FGF14: variants seen among roughly 807,000 people sequenced by gnomAD.
FGF14 encodes fibroblast growth factor 14.
Under a neutral mutation model 25.5 loss-of-function variants are expected in FGF14, and 5 were observed. That is an observed-to-expected ratio of 0.20 (90% CI 0.10 to 0.41). FGF14 has a LOEUF of 0.41. Among genes scored for constraint, FGF14 ranks in the 10% least tolerant of loss-of-function variants. The pLI is 1.00. For missense variants in FGF14, 222 were observed against 320.1 expected, an observed-to-expected ratio of 0.69 and a Z score of 2.34; for synonymous variants, 138 against 118.3, an observed-to-expected ratio of 1.17 and a Z score of -1.08.
At chr13:101,894,660 G>C (rs549636237) in intron 1 of FGF14, among the ~76,000 whole-genome samples, 2 of 152,156 alleles carry the variant, frequency 1.3e-5, no homozygotes, top group Non-Finnish European at 2.9e-5. Context: ...CTAATGTAGA[G>C]TGAGCATTAG....
intron 1 of FGF14, among the ~76,000 whole-genome samples, chr13:102,330,997 G>C (rs150395750): frequency 5.2e-4 from 79 of 152,328 alleles, no homozygotes; most frequent in African/African-American, 1.9e-3. Flanking sequence ...TAACACCAGA[G>C]CTTTGGAATC....
At chr13:101,751,259 G>GT (rs1392775467) in intron 3 of FGF14, among the ~76,000 whole-genome samples, 2 of 152,132 alleles carry the variant, frequency 1.3e-5, no homozygotes, top group Non-Finnish European at 2.9e-5. Flanking sequence ...CCATACTAAT[G>GT]TAAGATGTGA....
At chr13:102,346,573 T>G (rs569785754) in intron 1 of FGF14, among the ~76,000 whole-genome samples, 180 of 152,030 alleles carry the variant, frequency 1.2e-3, no homozygotes, top group Middle Eastern at 6.8e-3. Context: ...TATTTATATA[T>G]ATAGAGAGAG....
intron 1 of FGF14, among the ~76,000 whole-genome samples, chr13:101,923,279 A>G (rs1346894861): frequency 1.3e-5 from 2 of 152,092 alleles, no homozygotes; most frequent in Admixed American, 6.5e-5. Context: ...ATAAAATATG[A>G]AAGTCCAACA....
intron 1 of FGF14, among the ~76,000 whole-genome samples, chr13:102,282,306 T>A (rs1252737558): frequency 6.6e-6 from 1 of 152,112 alleles, no homozygotes; most frequent in Non-Finnish European, 1.5e-5. Context: ...CCTCAGGTGA[T>A]CCGCCCACCT....
chr13:102,148,342 T>A (rs1387289288), intron 1 of FGF14, among the ~76,000 whole-genome samples: 1 of 152,218 alleles, frequency 6.6e-6, no homozygotes, highest in Non-Finnish European at 1.5e-5. Flanking sequence ...TTGAGCCTGA[T>A]TTTTTAAAAT....
intron 1 of FGF14, among the ~76,000 whole-genome samples, chr13:101,895,077 T>A (rs2030427719): frequency 6.6e-6 from 1 of 152,176 alleles, no homozygotes; most frequent in Non-Finnish European, 1.5e-5. Flanking sequence ...CCTCAGTAAT[T>A]CAACTTTTGA....
chr13:101,764,148 G>A (rs1356326832), intron 3 of FGF14, among the ~76,000 whole-genome samples: 2 of 152,074 alleles, frequency 1.3e-5, no homozygotes, highest in East Asian at 1.9e-4. Context: ...TAAAAAGCAC[G>A]GTAAATTTTA....
At chr13:101,854,371 A>C (rs1327371784) in intron 3 of FGF14, among the ~76,000 whole-genome samples, 1 of 152,084 alleles carries the variant, frequency 6.6e-6, no homozygotes, top group African/African-American at 2.4e-5. Flanking sequence ...CATCACTGAG[A>C]TTGCTCTATG....
intron 1 of FGF14, among the ~76,000 whole-genome samples, chr13:101,988,914 G>T (rs780030171): frequency 1.3e-5 from 2 of 151,836 alleles, no homozygotes; most frequent in African/African-American, 2.4e-5. Flanking sequence ...TTGTTTGTTT[G>T]TTTTTTTACC....
intron 4 of FGF14, 110 bp from the exon 5 acceptor site, chr13:101,723,077 C>T: frequency 7.5e-7 from 1 of 1,335,148 alleles, no homozygotes; most frequent in Non-Finnish European, 1.1e-6. Flanking sequence ...TCTGTTTTCC[C>T]TGAAGTAAAG....
At chr13:102,052,533 A>AG (rs2042257726) in intron 1 of FGF14, among the ~76,000 whole-genome samples, 1 of 152,012 alleles carries the variant, frequency 6.6e-6, no homozygotes, top group African/African-American at 2.4e-5. Flanking sequence ...AAGTAACAAG[A>AG]GAAAAAAAAG....
intron 1 of FGF14, among the ~76,000 whole-genome samples, chr13:102,217,756 G>A (rs1044499671): frequency 1.3e-5 from 2 of 152,102 alleles, no homozygotes; most frequent in Non-Finnish European, 2.9e-5. Flanking sequence ...TGCAACCAAC[G>A]CAGCAAATGT....
intron 3 of FGF14, among the ~76,000 whole-genome samples, chr13:101,837,186 G>A (rs1216672916): frequency 1.3e-5 from 2 of 151,934 alleles, no homozygotes; most frequent in East Asian, 3.9e-4. Flanking sequence ...GTGTGTGTAT[G>A]TGTGTTTGTG....
chr13:101,902,540 C>T (rs1046545180), intron 1 of FGF14, among the ~76,000 whole-genome samples: 1 of 152,034 alleles, frequency 6.6e-6, no homozygotes, highest in East Asian at 1.9e-4. Context: ...GTGATGCAGC[C>T]AATATTGATA....
chr13:102,030,923 A>G (rs1160245358), intron 1 of FGF14, among the ~76,000 whole-genome samples: 3 of 152,118 alleles, frequency 2.0e-5, no homozygotes, highest in African/African-American at 4.8e-5. Context: ...TTACAGGGAA[A>G]TATTAAGATC....
At chr13:102,299,914 C>T (rs749774319) in intron 1 of FGF14, 1 of 152,078 alleles carries the variant, frequency 6.6e-6, no homozygotes, top group Non-Finnish European at 1.5e-5. Flanking sequence ...AAACTGAACA[C>T]AAAAATTGAA....
At chr13:101,808,741 A>ATT (rs201476943) in intron 3 of FGF14, among the ~76,000 whole-genome samples, 1 of 152,030 alleles carries the variant, frequency 6.6e-6, no homozygotes, top group African/African-American at 2.4e-5. Flanking sequence ...TACTTCAGAC[A>ATT]TTTTTTTCAG....
chr13:101,926,516 A>C (rs1382530090), intron 1 of FGF14, among the ~76,000 whole-genome samples: 1 of 152,368 alleles, frequency 6.6e-6, no homozygotes, highest in East Asian at 1.9e-4. Context: ...ACGTACAGCA[A>C]TTCTCAGTGA....
Sources: gnomAD v4.1 joint callset for allele counts (sites outside exome capture counted in the v4.1 genomes callset) on GRCh38, gnomAD v4.1.1 for gene constraint, MANE v1.5 for transcripts, NCBI Gene and HGNC (gene_info 2026-07-23, HGNC 2026-07-21) for gene names.